LRP1B: variants seen among roughly 807,000 people sequenced by gnomAD.
LRP1B encodes LDL receptor related protein 1B, also known as low-density lipoprotein receptor-related protein 1B.
Under a neutral mutation model 556.6 loss-of-function variants are expected in LRP1B, and 217 were observed. The observed-to-expected ratio is 0.39, with a 90% CI of 0.35 to 0.44. LRP1B has a LOEUF of 0.44. LRP1B is among the 20% of genes least tolerant of loss of function. LRP1B has a pLI of 1.00. For missense variants in LRP1B, 5,053 were observed against 5,620.8 expected, an observed-to-expected ratio of 0.90 and a Z score of 3.23; for synonymous variants, 2,047 against 1,865.8, an observed-to-expected ratio of 1.10 and a Z score of -2.50.
chr2:141,507,308 T>C (rs79968402), intron 2 of LRP1B, among the ~76,000 whole-genome samples: 4,160 of 152,264 alleles, frequency 0.027, 97 homozygotes, highest in Non-Finnish European at 0.037. Flanking sequence ...TTGTCATTAC[T>C]TGTTTAGCAC....
At chr2:141,642,017 C>A (rs71348769) in intron 2 of LRP1B, among the ~76,000 whole-genome samples, 13,561 of 151,820 alleles carry the variant, frequency 0.089, 670 homozygotes, top group South Asian at 0.15. Context: ...AACCCCCCCC[C>A]AAAAAACAAG....
intron 2 of LRP1B, among the ~76,000 whole-genome samples, chr2:141,700,860 G>T (rs1392710221): frequency 6.6e-6 from 1 of 151,774 alleles, no homozygotes; most frequent in African/African-American, 2.4e-5. Context: ...TTCTGATAAG[G>T]TACCTAAGAT....
intron 88 of LRP1B, among the ~76,000 whole-genome samples, chr2:140,239,041 G>C (rs1680834109): frequency 6.6e-6 from 1 of 150,802 alleles, no homozygotes; most frequent in South Asian, 2.1e-4. Flanking sequence ...CACTATTTGT[G>C]AAAGAAATGT....
chr2:140,965,395 TGGA>T (rs1696175552), intron 18 of LRP1B, among the ~76,000 whole-genome samples: 1 of 151,686 alleles, frequency 6.6e-6, no homozygotes, highest in Non-Finnish European at 1.5e-5. Context: ...TACCTCCACA[TGGA>T]GGATGAGCAA....
intron 84 of LRP1B, among the ~76,000 whole-genome samples, chr2:140,286,933 C>CT (rs958398963): frequency 9.2e-5 from 14 of 151,506 alleles, no homozygotes; most frequent in South Asian, 4.2e-4. Context: ...GAAATATTAA[C>CT]TTTTTTTTAC....
At chr2:140,639,532 A>T (rs1684197602) in intron 41 of LRP1B, among the ~76,000 whole-genome samples, 2 of 152,174 alleles carry the variant, frequency 1.3e-5, no homozygotes, top group South Asian at 4.1e-4. Context: ...GGTCAATTAA[A>T]AAATTCTTTC....
intron 2 of LRP1B, among the ~76,000 whole-genome samples, chr2:141,629,454 G>A (rs1289129930): frequency 6.6e-6 from 1 of 152,112 alleles, no homozygotes; most frequent in African/African-American, 2.4e-5. Context: ...TTAAACTCTT[G>A]AGGTAAGGGT....
At chr2:140,649,779 G>A (rs1684610905) in intron 41 of LRP1B, among the ~76,000 whole-genome samples, 2 of 152,248 alleles carry the variant, frequency 1.3e-5, no homozygotes, top group East Asian at 1.9e-4. Flanking sequence ...AATAGCAAAA[G>A]CTATATGTAT....
intron 41 of LRP1B, among the ~76,000 whole-genome samples, chr2:140,663,417 C>T (rs755451491): frequency 5.3e-5 from 8 of 152,198 alleles, no homozygotes; most frequent in Non-Finnish European, 1.2e-4. Context: ...ATTATCTTAG[C>T]TAGACCTTCT....
rs1014421967 is a variant in LRP1B, at chr2:140,232,416, G to A, written c.*770C>T. 2 of 151,582 alleles carry A rather than the reference G, an allele frequency of 1.3e-5. No individual in the cohort carries two copies. Among genetic ancestry groups the A allele is most frequent in the Admixed American group, 6.6e-5 (1 of 15,086 alleles). 9.4% of individuals were successfully genotyped at this position (151,582 alleles called of 1,614,324 possible). A position where few individuals can be genotyped will look rare whatever the true frequency, so the allele number is the denominator to read the frequency against. ...GGCTATTTATCTCGAGACTGAGGGA[G>A]AATAAAAGGTCTTATTCCATAGCAA... is the stretch of plus-strand genomic sequence containing the variant. On this transcript the variant is annotated 3_prime_UTR_variant, in exon 91 of 91. Transcript: ENST00000389484.
At chr2:141,494,561 G>T (rs1683448717) in intron 2 of LRP1B, among the ~76,000 whole-genome samples, 1 of 151,660 alleles carries the variant, frequency 6.6e-6, no homozygotes, top group South Asian at 2.1e-4. Context: ...TTTTGCCACT[G>T]AAACTAATAG....
At chr2:140,435,617 A>G (rs746631962) in intron 66 of LRP1B, among the ~76,000 whole-genome samples, 18 of 151,866 alleles carry the variant, frequency 1.2e-4, no homozygotes, top group Admixed American at 6.6e-5. Context: ...GCTCCTTTTT[A>G]GCTTTGTTCA....
Position 140,601,692 on chromosome 2 carries a change from C to T in LRP1B, c.6800-53G>A, listed in dbSNP as rs138588100. ...TATACTTTTATTTACAAAAAAATGA[C>T]TTCTGGACAGAAAAAGCATTTAAGA... On this transcript the variant is annotated intron_variant, in intron 41 of 90. Transcript: ENST00000389484. 2.6e-4 allele frequency: 337 copies of T among 1,314,394 alleles called. 2 individuals carry two copies. The African/African-American group carries it at 4.5e-3, about 18-fold the overall frequency. The allele number at this position is 1,314,394 out of a possible 1,614,324, so 81.4% of individuals were successfully genotyped here.
intron 7 of LRP1B, among the ~76,000 whole-genome samples, chr2:141,128,702 C>A (rs117935984): frequency 0.025 from 3,803 of 152,280 alleles, 121 homozygotes; most frequent in East Asian, 0.16. Context: ...CTCACCACAA[C>A]CTCCACCTCC....
intron 31 of LRP1B, among the ~76,000 whole-genome samples, chr2:140,830,136 C>A (rs898623322): frequency 3.3e-5 from 5 of 151,734 alleles, no homozygotes; most frequent in African/African-American, 7.2e-5. Context: ...TCAAAAAAAA[C>A]CCCAGGACCT....
At position 141,519,404 on chromosome 2, in the gene LRP1B, A is replaced by ATATATATATATATATAT. The variant is rs1559118212; in HGVS notation, c.206-38872_206-38871insATATATATATATATATA. Among the ~76,000 whole-genome samples the ATATATATATATATATAT allele has an allele frequency of 2.1e-4, 2 of 9,392 alleles. 1 individual carries two copies. Among genetic ancestry groups the ATATATATATATATATAT allele is most frequent in the African/African-American group, 8.0e-4 (2 of 2,510 alleles). The allele number at this position is 9,392 out of a possible 152,430, so 6.2% of individuals were successfully genotyped here. A position where few individuals can be genotyped will look rare whatever the true frequency, so the allele number is the denominator to read the frequency against. ...ATATATATATATATATATATATATG[A>ATATATATATATATATAT]AATGCAATATTTATTGAATTTAGTT... is the stretch of plus-strand genomic sequence containing the variant. On this transcript the variant is annotated intron_variant, in intron 2 of 90. Coordinates refer to ENST00000389484, the MANE Select transcript of LRP1B (RefSeq NM_018557.3).
intron 77 of LRP1B, among the ~76,000 whole-genome samples, chr2:140,343,905 G>T (rs1681522396): frequency 6.6e-6 from 1 of 151,636 alleles, no homozygotes; most frequent in African/African-American, 2.4e-5. Flanking sequence ...ATCAGTAGTT[G>T]CCTGGTGATG....
intron 84 of LRP1B, among the ~76,000 whole-genome samples, chr2:140,290,267 A>G (rs1683321195): frequency 6.6e-6 from 1 of 152,116 alleles, no homozygotes; most frequent in Admixed American, 6.6e-5. Flanking sequence ...TTGAGGGCGT[A>G]ATGTGTCACG....
chr2:141,049,683 GCAAA>G (rs1698979486), intron 10 of LRP1B, among the ~76,000 whole-genome samples: 1 of 152,004 alleles, frequency 6.6e-6, no homozygotes, highest in African/African-American at 2.4e-5. Context: ...ATTGTCAGAG[GCAAA>G]CAAAGAATCA....
Sources: allele counts gnomAD v4.1 joint callset (sites outside exome capture counted in the v4.1 genomes callset), GRCh38; gene constraint gnomAD v4.1.1; transcripts MANE v1.5; gene names NCBI Gene and HGNC (gene_info 2026-07-23, HGNC 2026-07-21).